Variants in CCDC88A observed in about 807,000 individuals in gnomAD.
CCDC88A encodes the protein girdin.
In CCDC88A, 54 loss-of-function variants were observed where a neutral mutation model predicts 234.3. The observed-to-expected ratio is 0.23, with a 90% CI of 0.19 to 0.29. The LOEUF is 0.29. Among genes scored for constraint, CCDC88A ranks in the 10% least tolerant of loss-of-function variants. The pLI is 1.00. For synonymous variants in CCDC88A, 753 were observed against 737.8 expected, an observed-to-expected ratio of 1.02 and a Z score of -0.33; for missense variants, 1,832 against 2,123.4, an observed-to-expected ratio of 0.86 and a Z score of 2.70.
At chr2:55,320,216 C>G (rs187972027) in intron 18 of CCDC88A, among the ~76,000 whole-genome samples, 49 of 152,096 alleles carry the variant, frequency 3.2e-4, no homozygotes, top group Admixed American at 5.9e-4. Context: ...AGAGGTGAAC[C>G]ATTTTTCACA....
At chr2:55,396,972 A>G (rs182163228) in intron 2 of CCDC88A, among the ~76,000 whole-genome samples, 14 of 151,976 alleles carry the variant, frequency 9.2e-5, no homozygotes, top group African/African-American at 3.4e-4. Context: ...GCATATTCCC[A>G]ATTCTGTTTT....
At chr2:55,397,510 T>TATCCAAATGCATAATTTGGATA (rs577117091) in intron 2 of CCDC88A, 22 of 152,278 alleles carry the variant, frequency 1.4e-4, no homozygotes, top group Admixed American at 8.5e-4. Context: ...TAATTTGGAT[T>TATCCAAATGCATAATTTGGATA]ATCCAAATGC....
intron 2 of CCDC88A, among the ~76,000 whole-genome samples, chr2:55,407,750 C>CTTATTTTTTTTT: frequency 7.3e-6 from 1 of 137,740 alleles, no homozygotes; most frequent in African/African-American, 2.8e-5. Flanking sequence ...CAGAGTCTTG[C>CTTATTTTTTTTT]TCTGTCTTCC....
chr2:55,382,490 G>A (rs983167692), intron 3 of CCDC88A, among the ~76,000 whole-genome samples: 2 of 152,088 alleles, frequency 1.3e-5, no homozygotes, highest in East Asian at 3.9e-4. Flanking sequence ...ACCAAACACT[G>A]GCTATGACAG....
intron 2 of CCDC88A, among the ~76,000 whole-genome samples, chr2:55,401,057 G>C (rs1386499033): frequency 1.3e-5 from 2 of 152,058 alleles, no homozygotes; most frequent in African/African-American, 2.4e-5. Flanking sequence ...CAAGTAGTAA[G>C]GTATTTCAGG....
intron 2 of CCDC88A, among the ~76,000 whole-genome samples, chr2:55,399,484 G>A (rs1175654671): frequency 3.4e-5 from 5 of 145,664 alleles, no homozygotes; most frequent in Admixed American, 1.4e-4. Context: ...CCGAGATTGC[G>A]CCACTGTACT....
At chr2:55,376,161 C>A (rs985559339) in intron 3 of CCDC88A, among the ~76,000 whole-genome samples, 2 of 152,088 alleles carry the variant, frequency 1.3e-5, no homozygotes, top group African/African-American at 4.8e-5. Context: ...ATTGTATCTG[C>A]CATTACAACC....
At chr2:55,370,074 G>T (rs1002150778) in intron 5 of CCDC88A, among the ~76,000 whole-genome samples, 1 of 152,110 alleles carries the variant, frequency 6.6e-6, no homozygotes, top group African/African-American at 2.4e-5. Flanking sequence ...TTTCTTGGTA[G>T]ATACATCATT....
At chr2:55,413,856 G>A (rs1680913689) in intron 2 of CCDC88A, among the ~76,000 whole-genome samples, 1 of 152,076 alleles carries the variant, frequency 6.6e-6, no homozygotes, top group Non-Finnish European at 1.5e-5. Flanking sequence ...GGAGGCTAAG[G>A]TGGGAGGATA....
chr2:55,412,687 G>A (rs929877999), intron 2 of CCDC88A, among the ~76,000 whole-genome samples: 10 of 152,004 alleles, frequency 6.6e-5, no homozygotes, highest in African/African-American at 2.4e-4. Flanking sequence ...AAAAAGGTTG[G>A]GGACCGCTGG....
chr2:55,347,582 T>C (rs1231764728), intron 9 of CCDC88A, among the ~76,000 whole-genome samples: 1 of 150,864 alleles, frequency 6.6e-6, no homozygotes, highest in Non-Finnish European at 1.5e-5. Flanking sequence ...TTCATTAAAA[T>C]ACCTATGTTA....
chr2:55,332,554 CT>C lies in CCDC88A; in HGVS notation c.2855+11del, dbSNP rs775194640. The C allele has an allele frequency of 6.2e-7, 1 of 1,605,234 alleles. No individual in the cohort carries two copies. The highest frequency in any genetic ancestry group is 1.7e-5 in the Admixed American group (1 of 58,810). On this transcript the variant is annotated intron_variant, in intron 16 of 32. Transcript: ENST00000436346. This position sits in a 1 kb window ranked among gnomAD's most constrained non-coding sequence, Gnocchi z 4.5. ...AATTTTCAACTGTTTGCCAAGTAGA[CT>C]TAGTACTCACCTGTCATCAGTACTT... is the stretch of plus-strand genomic sequence containing the variant.
At chr2:55,305,164 T>A (rs1681397616) in intron 25 of CCDC88A, among the ~76,000 whole-genome samples, 1 of 152,222 alleles carries the variant, frequency 6.6e-6, no homozygotes, top group Non-Finnish European at 1.5e-5. Context: ...CATGTTGTCT[T>A]GTTTACTTTT....
At chr2:55,388,094 C>A (rs1332316234) in intron 3 of CCDC88A, among the ~76,000 whole-genome samples, 1 of 152,108 alleles carries the variant, frequency 6.6e-6, no homozygotes, top group Non-Finnish European at 1.5e-5. Context: ...CTTTTTCAAG[C>A]ACACATAGAA....
chr2:55,287,940 AAT>A lies in CCDC88A; in HGVS notation c.*3258_*3259del, dbSNP rs1032822842. ...TTTTTGAAGGAGAAACAAAATGAAA[AAT>A]GTTTTTTAAAAAACAAACAGTGGTA... On this transcript the variant is annotated 3_prime_UTR_variant, in exon 33 of 33. Coordinates refer to ENST00000436346, the MANE Select transcript of CCDC88A (RefSeq NM_001365480.1). The A allele has an allele frequency of 2.0e-5, 3 of 152,600 alleles. No individual in the cohort carries two copies. The highest frequency in any genetic ancestry group is 7.2e-5 in the African/African-American group (3 of 41,448). 9.5% of individuals were successfully genotyped at this position (152,600 alleles called of 1,614,324 possible).
intron 28 of CCDC88A, chr2:55,300,745 A>C (rs1203588976): frequency 6.5e-6 from 1 of 153,954 alleles, no homozygotes; most frequent in East Asian, 1.9e-4. Context: ...TCCTGACCTC[A>C]GGTGATCCGC....
rs1679243738 is a variant in CCDC88A at position 55,288,841 on chromosome 2, TTTATTA to T, written c.*2353_*2358del. 2 of 152,160 alleles carry T rather than the reference TTTATTA, an allele frequency of 1.3e-5. No individual in the cohort carries two copies. Among genetic ancestry groups the T allele is most frequent in the African/African-American group, 4.8e-5 (2 of 41,448 alleles). 9.4% of individuals were successfully genotyped at this position (152,160 alleles called of 1,614,324 possible). On this transcript the variant is annotated 3_prime_UTR_variant, in exon 33 of 33. Coordinates refer to ENST00000436346, the MANE Select transcript of CCDC88A (RefSeq NM_001365480.1). ...TGGCTCCGATTCGTTTCCAGTTGGC[TTTATTA>T]TTGTTTGGCAGAAGTTGTTTAGGGG...
Position 55,301,206 on chromosome 2 carries a change from C to G in CCDC88A, c.4744G>C (p.Ala1582Pro). The G allele has an allele frequency of 6.4e-7, 1 of 1,557,948 alleles. No homozygotes were observed. The highest frequency in any genetic ancestry group is 1.1e-5 in the South Asian group (1 of 88,346). ...DDSSTGSRVH[A>P]SRPASLDSGR... ...CTCTAAATAAGGTTCATTATCTTAC[C>G]ATGAACTCTTGATCCCGTACTAGAA... Residue 1582 changes from alanine (A) to proline (P), a missense_variant and splice_region_variant, in exon 28 of 33, where the codon GCT (alanine) becomes CCT (proline). Coordinates refer to ENST00000436346, the MANE Select transcript of CCDC88A (RefSeq NM_001365480.1).
chr2:55,362,842 T>C lies in CCDC88A; in HGVS notation c.487-394A>G, dbSNP rs368173183. The stretch of plus-strand genomic sequence containing the variant: ...TTTTAATCTTGTAGGATATATGTTA[T>C]TGCATTGTTGTTACTGAATATCTAG... On this transcript the variant is annotated intron_variant, in intron 6 of 32. Transcript: ENST00000436346. Among the ~76,000 whole-genome samples the C allele has an allele frequency of 3.3e-5, 5 of 152,136 alleles. No individual in the cohort carries two copies. In the East Asian group the frequency reaches 7.7e-4, roughly 23 times the overall value.
Sources: gnomAD v4.1 joint callset for allele counts (sites outside exome capture counted in the v4.1 genomes callset) on GRCh38, gnomAD v4.1.1 for gene constraint, Gnocchi (gnomAD v3.1) non-coding constraint, MANE v1.5 for transcripts, NCBI Gene and HGNC (gene_info 2026-07-23, HGNC 2026-07-21) for gene names.